The following TPCN1 variants were observed in gnomAD, a reference collection of about 807,000 sequenced individuals.
TPCN1 encodes two pore segment channel 1.
TPCN1 carries 52 observed loss-of-function variants against 108.8 expected under a neutral mutation model. The ratio of observed to expected loss-of-function variants is 0.48; its 90% CI spans 0.38 to 0.60. TPCN1 has a LOEUF of 0.60. TPCN1 is among the 20% of genes least tolerant of loss of function. The pLI, the probability that TPCN1 is intolerant of heterozygous loss-of-function variation, is 0.00. For synonymous variants in TPCN1, 446 were observed against 433.7 expected, an observed-to-expected ratio of 1.03 and a Z score of -0.35; for missense variants, 806 against 1,072.8, an observed-to-expected ratio of 0.75 and a Z score of 3.47.
chr12:113,286,090 C>G (rs184579336), intron 18 of TPCN1, 129 bp downstream of exon 18: 3 of 792,250 alleles, frequency 3.8e-6, no homozygotes, highest in South Asian at 1.6e-5. Context: ...GGGCTGAGGC[C>G]TATGTCTCCC....
At position 113,272,778 on chromosome 12, in the gene TPCN1, A is replaced by G. The variant is rs1171026895; in HGVS notation, c.783+86A>G. On this transcript the variant is annotated intron_variant, in intron 8 of 27. Coordinates refer to ENST00000335509, the MANE Select transcript of TPCN1 (RefSeq NM_017901.6). This position sits in a 1 kb window ranked among gnomAD's most constrained non-coding sequence, Gnocchi z 4.1. ...GTCACCGGCGTGACCCTGTGGCCAT[A>G]TGGGGAAGGGGGGGCCTGCCTGGTT... 7 of 1,361,906 alleles carry G rather than the reference A, an allele frequency of 5.1e-6. No homozygotes were observed. In the African/African-American group the frequency reaches 7.2e-5, roughly 14 times the overall value. 84.4% of individuals were successfully genotyped at this position (1,361,906 alleles called of 1,614,324 possible). A position where few individuals can be genotyped will look rare whatever the true frequency, so the allele number is the denominator to read the frequency against.
chr12:113,271,106 A>C (rs977410733), intron 7 of TPCN1, among the ~76,000 whole-genome samples: 6 of 152,050 alleles, frequency 3.9e-5, no homozygotes, highest in African/African-American at 1.4e-4. Flanking sequence ...CACACACAAA[A>C]AAAATATACA....
At position 113,284,823 on chromosome 12, in the gene TPCN1, A is replaced by C; in HGVS notation, c.1453+52A>C. 1 of 1,592,918 alleles carries C rather than the reference A, an allele frequency of 6.3e-7. No homozygotes were observed. Among genetic ancestry groups the C allele is most frequent in the Non-Finnish European group, 8.6e-7 (1 of 1,160,728 alleles). Reference sequence around the variant, plus strand: ...ACTGCTTGTTTTAAAATTGTCTGGGAGAACTTTCATTCAGTGTAGAACCTC... The same window carrying C: ...ACTGCTTGTTTTAAAATTGTCTGGGCGAACTTTCATTCAGTGTAGAACCTC... On this transcript the variant is annotated intron_variant, in intron 17 of 27. Coordinates refer to ENST00000335509, the MANE Select transcript of TPCN1 (RefSeq NM_017901.6). This position sits in a 1 kb window ranked among gnomAD's most constrained non-coding sequence, Gnocchi z 4.1.
Position 113,268,869 on chromosome 12 carries a change from G to A in TPCN1, c.656G>A (p.Arg219Gln), listed in dbSNP as rs955610654. The A allele has an allele frequency of 3.7e-6, 6 of 1,613,672 alleles. No individual in the cohort carries two copies. Among genetic ancestry groups the A allele is most frequent in the African/African-American group, 1.3e-5 (1 of 74,910 alleles). Residue 219 changes from arginine (R) to glutamine (Q), a missense_variant, in exon 6 of 28, where the codon CGG (arginine) becomes CAG (glutamine). By Grantham distance (43) the Arg-to-Gln change is conservative. Coordinates refer to ENST00000335509, the MANE Select transcript of TPCN1 (RefSeq NM_017901.6). The surrounding 1 kb of genome is among the most constrained non-coding windows in gnomAD (Gnocchi z 7.3). The part of the protein sequence containing the change: ...LVDCRYCGGV[R>Q]RNLRQIFQSL... ...GACTGTCGGTATTGCGGTGGCGTCC[G>A]GCGGTAAGGCCCGGGTGGGGAGCTG...
rs766887941 is a variant in TPCN1, at chr12:113,269,835, T to C, written c.738T>C (p.Phe246=). 2 of 1,613,776 alleles carry C rather than the reference T, an allele frequency of 1.2e-6. No individual in the cohort carries two copies. The highest frequency in any genetic ancestry group is 2.7e-5 in the African/African-American group (2 of 74,886). Residue 246 remains phenylalanine (F), a synonymous_variant, in exon 7 of 28, where the codon TTT becomes TTC. Coordinates refer to ENST00000335509, the MANE Select transcript of TPCN1 (RefSeq NM_017901.6). This position sits in a 1 kb window ranked among gnomAD's most constrained non-coding sequence, Gnocchi z 5.0. ...LLLLLFFMII[F]AILGFYLFSP... ...TGCTGCTGTTCTTCATGATCATCTT[T>C]GCCATCCTCGGTGAGTTCCCGCCTC... is the stretch of plus-strand genomic sequence containing the variant.
At chr12:113,228,695 A>T (rs1953566252) in intron 2 of TPCN1, among the ~76,000 whole-genome samples, 2 of 152,152 alleles carry the variant, frequency 1.3e-5, no homozygotes, top group Non-Finnish European at 2.9e-5. Flanking sequence ...TATTATCTGT[A>T]TTTTACAGAG....
intron 15 of TPCN1, among the ~76,000 whole-genome samples, chr12:113,281,727 C>T (rs146358893): frequency 1.3e-3 from 194 of 151,666 alleles, no homozygotes; most frequent in Non-Finnish European, 2.0e-3. Context: ...TTTGTAGAGA[C>T]GGGGTAGCCT....
At chr12:113,225,195 CA>C in intron 1 of TPCN1, 1 of 450,792 alleles carries the variant, frequency 2.2e-6, no homozygotes, top group Non-Finnish European at 4.4e-6. Context: ...GCTAGGCCTA[CA>C]GGCATATGCC....
chr12:113,283,386 G>A (rs954298293), intron 15 of TPCN1, among the ~76,000 whole-genome samples: 2 of 152,084 alleles, frequency 1.3e-5, no homozygotes, highest in Non-Finnish European at 1.5e-5. Context: ...TGTAATTCCG[G>A]CACTTTGGAA....
At chr12:113,258,670 G>C (rs750688824) in intron 2 of TPCN1, among the ~76,000 whole-genome samples, 2 of 152,110 alleles carry the variant, frequency 1.3e-5, no homozygotes, top group African/African-American at 4.8e-5. Context: ...AGTCCTAGCT[G>C]CTCAGGAGGC....
At position 113,289,196 on chromosome 12, in the gene TPCN1, A is replaced by G. The variant is rs535915619; in HGVS notation, c.1796+349A>G. On this transcript the variant is annotated intron_variant, in intron 21 of 27. Coordinates refer to ENST00000335509, the MANE Select transcript of TPCN1 (RefSeq NM_017901.6). The surrounding 1 kb of genome is among the most constrained non-coding windows in gnomAD (Gnocchi z 4.1). ...GGACCTGGGCCAAGACCAGTCTTCT[A>G]GGGACAGCATCGTAGGATAAGACAG... Among the ~76,000 whole-genome samples, 5 of 152,316 alleles carry G rather than the reference A, an allele frequency of 3.3e-5. No homozygotes were observed. The highest frequency in any genetic ancestry group is 1.2e-4 in the African/African-American group (5 of 41,586).
chr12:113,230,936 G>C (rs1222199572), intron 2 of TPCN1, among the ~76,000 whole-genome samples: 1 of 152,228 alleles, frequency 6.6e-6, no homozygotes, highest in Non-Finnish European at 1.5e-5. Flanking sequence ...CCATTGCTTT[G>C]AGTCCCATTG....
intron 1 of TPCN1, among the ~76,000 whole-genome samples, chr12:113,224,940 G>A (rs746973823): frequency 1.3e-4 from 20 of 151,778 alleles, no homozygotes; most frequent in Non-Finnish European, 1.6e-4. Context: ...TAATAGAGGC[G>A]GGGTTTCTTC....
chr12:113,256,343 C>T (rs1402760769), intron 2 of TPCN1, among the ~76,000 whole-genome samples: 1 of 149,570 alleles, frequency 6.7e-6, no homozygotes, highest in African/African-American at 2.5e-5. Flanking sequence ...GCTGGGTATG[C>T]ATGTATGTAT....
chr12:113,240,326 A>G (rs180708420), intron 2 of TPCN1, among the ~76,000 whole-genome samples: 224 of 152,260 alleles, frequency 1.5e-3, no homozygotes, highest in African/African-American at 5.0e-3. Context: ...ATGTGTGTCT[A>G]TTGAGGAGTG....
In TPCN1 at chr12:113,226,713, A is replaced by T; in HGVS notation, c.-125-15A>T. On this transcript the variant is annotated splice_polypyrimidine_tract_variant and intron_variant, in intron 1 of 27. Coordinates refer to ENST00000335509, the MANE Select transcript of TPCN1 (RefSeq NM_017901.6). The stretch of plus-strand genomic sequence containing the variant: ...TTAATAATTATCTTTTATTTTTTTA[A>T]TTCCCAAACCCTAGAAGATGCCTCT... 1 of 1,509,050 alleles carries T rather than the reference A, an allele frequency of 6.6e-7. No individual in the cohort carries two copies. Among genetic ancestry groups the T allele is most frequent in the Admixed American group, 2.3e-5 (1 of 42,632 alleles). The allele number at this position is 1,509,050 out of a possible 1,614,324, so 93.5% of individuals were successfully genotyped here.
chr12:113,258,103 A>G (rs1183090692), intron 2 of TPCN1, among the ~76,000 whole-genome samples: 1 of 152,214 alleles, frequency 6.6e-6, no homozygotes, highest in Non-Finnish European at 1.5e-5. Flanking sequence ...GTAGGTCAAA[A>G]TGTATCAAAC....
intron 2 of TPCN1, among the ~76,000 whole-genome samples, chr12:113,245,621 A>T (rs1235562373): frequency 1.3e-5 from 2 of 149,954 alleles, no homozygotes; most frequent in East Asian, 3.9e-4. Context: ...AAAAAAAAAA[A>T]GAAAAGAAAA....
rs1365973247 is a variant in TPCN1, at chr12:113,266,497, C to A, written c.414+141C>A. Reference sequence around the variant, plus strand: ...GAGAGATACGAGGTGGTCATAGAGGCCTTGGGAGCGGAAATGCCTGGGTGT... The same window carrying A: ...GAGAGATACGAGGTGGTCATAGAGGACTTGGGAGCGGAAATGCCTGGGTGT... On this transcript the variant is annotated intron_variant, in intron 4 of 27. Coordinates refer to ENST00000335509, the MANE Select transcript of TPCN1 (RefSeq NM_017901.6). The surrounding 1 kb of genome is among the most constrained non-coding windows in gnomAD (Gnocchi z 4.2). 1.7e-6 allele frequency: 2 copies of A among 1,166,812 alleles called. No individual in the cohort carries two copies. Among genetic ancestry groups the A allele is most frequent in the Admixed American group, 2.2e-5 (1 of 45,560 alleles). The allele number at this position is 1,166,812 out of a possible 1,614,324, so 72.3% of individuals were successfully genotyped here.
Sources: gnomAD v4.1 joint callset for allele counts (sites outside exome capture counted in the v4.1 genomes callset) on GRCh38, gnomAD v4.1.1 for gene constraint, Gnocchi (gnomAD v3.1) non-coding constraint, MANE v1.5 for transcripts, NCBI Gene and HGNC (gene_info 2026-07-23, HGNC 2026-07-21) for gene names.